Variants in STRA8 observed in about 807,000 individuals in gnomAD.
STRA8 encodes the protein stimulated by retinoic acid 8, also known as stimulated by retinoic acid gene 8 protein homolog.
STRA8 carries 18 observed loss-of-function variants against 37.1 expected under a neutral mutation model. That is an observed-to-expected ratio of 0.48 (90% CI 0.34 to 0.72). The LOEUF is 0.72. Among genes scored for constraint, STRA8 ranks in the 30% least tolerant of loss-of-function variants. The pLI is 0.01. For synonymous variants in STRA8, 168 were observed against 162.9 expected, an observed-to-expected ratio of 1.03 and a Z score of -0.24; for missense variants, 357 against 410.4, an observed-to-expected ratio of 0.87 and a Z score of 1.13.
intron 1 of STRA8, among the ~76,000 whole-genome samples, 199 bp downstream of exon 1, chr7:135,234,102 TG>T (rs1832333825): frequency 6.0e-5 from 9 of 150,708 alleles, no homozygotes; most frequent in Admixed American, 2.0e-4. Flanking sequence ...ATGATGATGA[TG>T]ATTATTATTA....
Position 135,252,596 on chromosome 7 carries a change from T to C in STRA8, c.953+727T>C, listed in dbSNP as rs539736893. ...TCTGTGGCATCTTCAGAGTAGAAAA[T>C]TCTTCCATCCTGGCGCAGGGCTGGG... On this transcript the variant is annotated intron_variant, in intron 7 of 8. Transcript: ENST00000662584. Among the ~76,000 whole-genome samples the C allele has an allele frequency of 4.6e-5, 7 of 152,170 alleles. No homozygotes were observed. The South Asian group carries it at 1.5e-3, about 32-fold the overall frequency.
upstream of STRA8, among the ~76,000 whole-genome samples, chr7:135,233,668 C>T (rs1832324212): frequency 6.6e-6 from 1 of 152,042 alleles, no homozygotes; most frequent in African/African-American, 2.4e-5. Flanking sequence ...CCTTTTCTGT[C>T]GCCTTCGGAC....
intron 8 of STRA8, among the ~76,000 whole-genome samples, chr7:135,255,578 A>AGT (rs768084168): frequency 3.3e-4 from 51 of 152,362 alleles, no homozygotes; most frequent in South Asian, 2.9e-3. Context: ...CTGTCAGATC[A>AGT]GTGGCAGCGT....
At chr7:135,232,069 A>G, upstream of STRA8, 1 of 1,505,570 alleles carries the variant, frequency 6.6e-7, no homozygotes, top group Middle Eastern at 1.8e-4. Flanking sequence ...CTTTCCCCCC[A>G]GGACTACATT....
chr7:135,242,757 A>G, intron 2 of STRA8, 24 bp from the exon 3 acceptor site: 1 of 1,613,374 alleles, frequency 6.2e-7, no homozygotes, highest in South Asian at 1.1e-5. Flanking sequence ...GCTGGCTTTC[A>G]GCATTGTCTC....
chr7:135,242,436 T>C (rs1473592466), intron 2 of STRA8, among the ~76,000 whole-genome samples: 1 of 152,130 alleles, frequency 6.6e-6, no homozygotes. Flanking sequence ...AAGCCTGGGG[T>C]TGACGTTCAT....
At chr7:135,250,099 G>A (rs534647302) in intron 6 of STRA8, among the ~76,000 whole-genome samples, 86 of 152,344 alleles carry the variant, frequency 5.6e-4, no homozygotes, top group Admixed American at 1.4e-3. Context: ...AGGTTCTGCT[G>A]CAGAACTGTT....
chr7:135,243,260 G>A, intron 3 of STRA8, 66 bp from the exon 4 acceptor site: 3 of 1,563,800 alleles, frequency 1.9e-6, no homozygotes, highest in Middle Eastern at 1.7e-4. Context: ...GGGCCAGAAG[G>A]GTGGGAGAGA....
chr7:135,233,241 G>A (rs1377682551), upstream of STRA8, among the ~76,000 whole-genome samples: 5 of 152,050 alleles, frequency 3.3e-5, no homozygotes, highest in East Asian at 9.6e-4. Context: ...TTTAATCTGA[G>A]CTATTAAAGG....
In STRA8 at chr7:135,245,431, A is replaced by AGG; in HGVS notation, c.497_498insGG (p.Glu168ArgfsTer15). On this transcript the variant is annotated frameshift_variant, in exon 5 of 9. Coordinates refer to ENST00000662584, the MANE Select transcript of STRA8 (RefSeq NM_001394401.1). LOFTEE classifies it high-confidence loss of function. Reference sequence around the variant, plus strand: ...GAGGAAGAAGAAGAGGAGGAGGAGGAAGAGGAGGAAGAGGAAGAGGAGGAG... The same window carrying AGG: ...GAGGAAGAAGAAGAGGAGGAGGAGGAGGAGAGGAGGAAGAGGAAGAGGAGGAG... 6.5e-6 allele frequency: 5 copies of AGG among 763,382 alleles called. No homozygotes were observed. The highest frequency in any genetic ancestry group is 2.7e-5 in the South Asian group (2 of 73,234). 47.3% of individuals were successfully genotyped at this position (763,382 alleles called of 1,614,324 possible).
In STRA8 at chr7:135,245,433, G is replaced by A. The variant is rs1042689854; in HGVS notation, c.499G>A (p.Glu167Lys). Residue 167 changes from glutamate (E) to lysine (K), a missense_variant, in exon 5 of 9, where the codon GAG becomes AAG. Transcript: ENST00000662584. ...EEEEEEEEEE[E>K]EEEEEEEEEE... is the part of the protein sequence containing the mutation. ...GGAAGAAGAAGAGGAGGAGGAGGAA[G>A]AGGAGGAAGAGGAAGAGGAGGAGGA... 4.7e-5 allele frequency: 36 copies of A among 763,366 alleles called. No individual in the cohort carries two copies. The highest frequency in any genetic ancestry group is 2.3e-4 in the Middle Eastern group (1 of 4,410). The allele number at this position is 763,366 out of a possible 1,614,324, so 47.3% of individuals were successfully genotyped here. A position where few individuals can be genotyped will look rare whatever the true frequency, so the allele number is the denominator to read the frequency against.
In STRA8 at chr7:135,246,146, T is replaced by A; in HGVS notation, c.594-271T>A. On this transcript the variant is annotated intron_variant, in intron 5 of 8. Coordinates refer to ENST00000662584, the MANE Select transcript of STRA8 (RefSeq NM_001394401.1). The surrounding 1 kb of genome is among the most constrained non-coding windows in gnomAD (Gnocchi z 5.4). ...AGAGCTGAGGCAGCTACGCCTCTTA[T>A]CTGCTTCTGTCTAACACAGAAGGCT... 1 of 523,344 alleles carries A rather than the reference T, an allele frequency of 1.9e-6. No individual in the cohort carries two copies. The highest frequency in any genetic ancestry group is 2.3e-5 in the South Asian group (1 of 43,752). 32.4% of individuals were successfully genotyped at this position (523,344 alleles called of 1,614,324 possible).
rs2117797843 is a variant in STRA8 at position 135,242,865 on chromosome 7, G to A, written c.268+9G>A. On this transcript the variant is annotated intron_variant, in intron 3 of 8. Transcript: ENST00000662584. ...TTTGCTGAAGCTGAAAGGTAATGGA[G>A]CACTACTTGCCAACCCCATCTCCCT... 6.2e-7 allele frequency: 1 copy of A among 1,614,080 alleles called. No homozygotes were observed. The highest frequency in any genetic ancestry group is 1.1e-5 in the South Asian group (1 of 91,072).
Position 135,246,260 on chromosome 7 carries a change from C to A in STRA8, c.594-157C>A. The A allele has an allele frequency of 9.7e-7, 1 of 1,035,838 alleles. No individual in the cohort carries two copies. The highest frequency in any genetic ancestry group is 1.4e-6 in the Non-Finnish European group (1 of 712,794). 64.2% of individuals were successfully genotyped at this position (1,035,838 alleles called of 1,614,324 possible). A position where few individuals can be genotyped will look rare whatever the true frequency, so the allele number is the denominator to read the frequency against. On this transcript the variant is annotated intron_variant, in intron 5 of 8. Transcript: ENST00000662584. This position sits in a 1 kb window ranked among gnomAD's most constrained non-coding sequence, Gnocchi z 5.4. The stretch of plus-strand genomic sequence containing the variant: ...GGCCCCCAGGAAGGCTGCTGCTCTC[C>A]AAGGGCCAGGGGCGTGCAGAGTCTG...
At chr7:135,257,939 AAC>A (rs1339711570) in intron 8 of STRA8, among the ~76,000 whole-genome samples, 1 of 152,230 alleles carries the variant, frequency 6.6e-6, no homozygotes, top group African/African-American at 2.4e-5. Context: ...TATTCTTTCA[AAC>A]ACAAATAGTA....
intron 1 of STRA8, 75 bp from the exon 2 acceptor site, chr7:135,240,444 A>C: frequency 1.3e-6 from 2 of 1,487,480 alleles, no homozygotes; most frequent in Non-Finnish European, 1.8e-6. Flanking sequence ...GCCTGCCTCA[A>C]TTTGCCTTCC....
chr7:135,251,707 C>A, intron 6 of STRA8, 89 bp from the exon 7 acceptor site: 1 of 1,284,294 alleles, frequency 7.8e-7, no homozygotes, highest in Non-Finnish European at 1.1e-6. Context: ...AAAGAGAGAG[C>A]CTTTCCACTC....
At chr7:135,251,579 G>T (rs1832634301) in intron 6 of STRA8, among the ~76,000 whole-genome samples, 1 of 152,130 alleles carries the variant, frequency 6.6e-6, no homozygotes, top group African/African-American at 2.4e-5. Flanking sequence ...CCACCTCCAG[G>T]GTTGGCAGTT....
At chr7:135,243,285 G>A in intron 3 of STRA8, 41 bp from the exon 4 acceptor site, 2 of 1,609,274 alleles carry the variant, frequency 1.2e-6, no homozygotes, top group East Asian at 2.2e-5. Context: ...ACAGAGGCCT[G>A]ACTTTTCTCT....
Sources: allele counts gnomAD v4.1 joint callset (sites outside exome capture counted in the v4.1 genomes callset), GRCh38; gene constraint gnomAD v4.1.1; non-coding constraint Gnocchi (gnomAD v3.1); transcripts MANE v1.5; gene names NCBI Gene and HGNC (gene_info 2026-07-23, HGNC 2026-07-21).